PPP2R2B: variants seen among roughly 807,000 people sequenced by gnomAD.
PPP2R2B encodes serine/threonine-protein phosphatase 2A 55 kDa regulatory subunit B beta isoform.
In PPP2R2B, 5 loss-of-function variants were observed where a neutral mutation model predicts 46.0. The ratio of observed to expected loss-of-function variants is 0.11; its 90% confidence interval spans 0.06 to 0.23. The LOEUF is 0.23. PPP2R2B is among the 10% of genes least tolerant of loss of function. The pLI is 1.00. For missense variants in PPP2R2B, 367 were observed against 575.0 expected, an observed-to-expected ratio of 0.64 and a Z score of 3.70; for synonymous variants, 215 against 206.7, an observed-to-expected ratio of 1.04 and a Z score of -0.34.
chr5:146,774,859 C>A (rs1179122308), intron 2 of PPP2R2B, among the ~76,000 whole-genome samples: 3 of 149,664 alleles, frequency 2.0e-5, no homozygotes, highest in African/African-American at 7.4e-5. Flanking sequence ...TTATGAATAA[C>A]TGTATGCCAA....
chr5:146,976,993 A>G (rs998692999), intron 1 of PPP2R2B, among the ~76,000 whole-genome samples: 1 of 152,244 alleles, frequency 6.6e-6, no homozygotes, highest in Admixed American at 6.6e-5. Context: ...AGCCCATTTC[A>G]TATAATAACA....
chr5:146,697,355 T>C (rs1305015845), intron 4 of PPP2R2B, among the ~76,000 whole-genome samples: 1 of 152,254 alleles, frequency 6.6e-6, no homozygotes. Flanking sequence ...CCAGTCATTA[T>C]GTAATTTGTC....
intron 6 of PPP2R2B, 37 bp from the exon 7 acceptor site, chr5:146,638,452 GA>G: frequency 6.5e-7 from 1 of 1,544,118 alleles, no homozygotes; most frequent in Non-Finnish European, 8.8e-7. Context: ...CCAGGAGAAG[GA>G]GGCAGGAACT....
At chr5:146,714,108 A>T (rs1298429165) in intron 2 of PPP2R2B, among the ~76,000 whole-genome samples, 1 of 152,198 alleles carries the variant, frequency 6.6e-6, no homozygotes, top group Admixed American at 6.5e-5. Flanking sequence ...TCCAGGGAAA[A>T]AAACAAAGAG....
At chr5:146,944,746 T>C (rs1157796625) in intron 1 of PPP2R2B, among the ~76,000 whole-genome samples, 1 of 152,090 alleles carries the variant, frequency 6.6e-6, no homozygotes, top group African/African-American at 2.4e-5. Context: ...CTGCCCTTCC[T>C]CCACCCTTGG....
chr5:146,835,335 G>T (rs1289150222), intron 2 of PPP2R2B, among the ~76,000 whole-genome samples: 1 of 151,890 alleles, frequency 6.6e-6, no homozygotes, highest in Non-Finnish European at 1.5e-5. Flanking sequence ...ATGAAATATG[G>T]CCAAGTTAAA....
At chr5:146,606,503 G>C (rs185466307) in intron 7 of PPP2R2B, among the ~76,000 whole-genome samples, 42 of 152,302 alleles carry the variant, frequency 2.8e-4, no homozygotes, top group Admixed American at 2.1e-3. Context: ...GATAATAGTA[G>C]TACCTATGTT....
chr5:146,824,639 G>A (rs1758459945), intron 2 of PPP2R2B, among the ~76,000 whole-genome samples: 1 of 151,912 alleles, frequency 6.6e-6, no homozygotes, highest in Non-Finnish European at 1.5e-5. Flanking sequence ...TTTTGAAACG[G>A]GCTTTAACAG....
chr5:147,040,082 A>G (rs1756222790), intron 1 of PPP2R2B, among the ~76,000 whole-genome samples: 1 of 152,162 alleles, frequency 6.6e-6, no homozygotes, highest in South Asian at 2.1e-4. Context: ...GCTAAAATTC[A>G]TGGAGTGAAG....
chr5:146,843,228 T>C (rs1759776552), intron 2 of PPP2R2B, among the ~76,000 whole-genome samples: 1 of 152,216 alleles, frequency 6.6e-6, no homozygotes, highest in South Asian at 2.1e-4. Context: ...AATCAGTGAA[T>C]AATGATCAAT....
chr5:146,670,932 TA>T (rs1241172600), intron 5 of PPP2R2B, among the ~76,000 whole-genome samples: 1 of 152,124 alleles, frequency 6.6e-6, no homozygotes, highest in Non-Finnish European at 1.5e-5. Context: ...ATAAATACAA[TA>T]AAAATTGTTT....
At chr5:146,594,532 A>G (rs906027615) in intron 8 of PPP2R2B, among the ~76,000 whole-genome samples, 1 of 152,338 alleles carries the variant, frequency 6.6e-6, no homozygotes, top group South Asian at 2.1e-4. Flanking sequence ...GCTTGTCATT[A>G]TTAGCCAGGT....
chr5:146,878,533 G>T lies in PPP2R2B; in HGVS notation c.-125+58C>A. ...GAGAGCGGGCAGCCGCGACAAAATG[G>T]TGCCTTTCTGGACCCGAGCTGCAGT... On this transcript the variant is annotated intron_variant, in intron 1 of 9. Transcript: ENST00000394411. This position sits in a 1 kb window ranked among gnomAD's most constrained non-coding sequence, Gnocchi z 4.5. The T allele has an allele frequency of 3.1e-6, 4 of 1,270,608 alleles. No homozygotes were observed. The highest frequency in any genetic ancestry group is 1.6e-5 in the South Asian group (1 of 61,438). The allele number at this position is 1,270,608 out of a possible 1,614,324, so 78.7% of individuals were successfully genotyped here.
chr5:146,690,332 T>G (rs923634860), intron 5 of PPP2R2B, among the ~76,000 whole-genome samples: 1 of 152,236 alleles, frequency 6.6e-6, no homozygotes, highest in African/African-American at 2.4e-5. Context: ...AAATCCGTTT[T>G]TAATGCCACT....
chr5:146,707,115 G>T lies in PPP2R2B; in HGVS notation c.71-5973C>A, dbSNP rs550724004. On this transcript the variant is annotated intron_variant, in intron 2 of 9. Transcript: ENST00000394411. ...AGTCCTCCACCAGCCCCTGCGTGTT[G>T]CCAAGCTCCGCCTCCAGCTTCAGCT... is the stretch of plus-strand genomic sequence containing the variant. The T allele has an allele frequency of 5.3e-5, 85 of 1,592,782 alleles. No individual in the cohort carries two copies. The East Asian group carries it at 1.9e-3, about 35-fold the overall frequency.
chr5:146,821,259 T>C (rs1003698688), intron 2 of PPP2R2B, among the ~76,000 whole-genome samples: 1 of 152,170 alleles, frequency 6.6e-6, no homozygotes, highest in Non-Finnish European at 1.5e-5. Context: ...CCACCTGCCA[T>C]CCCTTAATAC....
At chr5:147,055,108 C>G (rs113122413) in intron 1 of PPP2R2B, among the ~76,000 whole-genome samples, 1 of 152,176 alleles carries the variant, frequency 6.6e-6, no homozygotes, top group Non-Finnish European at 1.5e-5. Context: ...ACTTAGGACC[C>G]CCAGAAACCA....
chr5:146,678,797 C>A (rs62375668), intron 5 of PPP2R2B, among the ~76,000 whole-genome samples: 1 of 126,840 alleles, frequency 7.9e-6, no homozygotes, highest in Non-Finnish European at 1.6e-5. Context: ...TTCACAATTG[C>A]TTCAAAGAGA....
intron 6 of PPP2R2B, among the ~76,000 whole-genome samples, chr5:146,644,689 A>T (rs1477538098): frequency 5.3e-5 from 8 of 152,188 alleles, no homozygotes; most frequent in African/African-American, 1.9e-4. Context: ...AAGTCATTTT[A>T]TCTCTCTGGG....
Sources: allele counts gnomAD v4.1 joint callset (sites outside exome capture counted in the v4.1 genomes callset), GRCh38; gene constraint gnomAD v4.1.1; non-coding constraint Gnocchi (gnomAD v3.1); transcripts MANE v1.5; gene names NCBI Gene and HGNC (gene_info 2026-07-23, HGNC 2026-07-21).